CTNNA3: variants seen among roughly 807,000 people sequenced by gnomAD.
The protein encoded by CTNNA3 is catenin alpha-3.
In CTNNA3, 76 loss-of-function variants were observed where a neutral mutation model predicts 95.7. That is an observed-to-expected ratio of 0.79 (90% CI 0.66 to 0.96). The LOEUF (loss-of-function observed/expected upper bound fraction) is 0.96, where lower values mean the gene tolerates loss of function less well. Ranked by LOEUF, CTNNA3 falls within the 40% of genes least tolerant of loss-of-function variation. The pLI is 0.00. For synonymous variants in CTNNA3, 431 were observed against 374.4 expected, an observed-to-expected ratio of 1.15 and a Z score of -1.74; for missense variants, 1,191 against 1,089.8, an observed-to-expected ratio of 1.09 and a Z score of -1.31.
intron 7 of CTNNA3, among the ~76,000 whole-genome samples, chr10:66,851,379 A>T (rs1843478617): frequency 6.6e-6 from 1 of 152,102 alleles, no homozygotes; most frequent in Non-Finnish European, 1.5e-5. Flanking sequence ...ACAAACCTGA[A>T]AAACGCTGTT....
chr10:66,942,833 A>G (rs745840576), intron 7 of CTNNA3, among the ~76,000 whole-genome samples: 1 of 152,194 alleles, frequency 6.6e-6, no homozygotes, highest in African/African-American at 2.4e-5. Flanking sequence ...AAAACACAAT[A>G]TCAATATTTA....
intron 11 of CTNNA3, among the ~76,000 whole-genome samples, chr10:66,428,523 T>C (rs2093264439): frequency 6.6e-6 from 1 of 152,014 alleles, no homozygotes; most frequent in Admixed American, 6.6e-5. Flanking sequence ...CCTCAGCAAA[T>C]GTAAAAGAAC....
At chr10:66,772,190 C>A (rs917231732) in intron 8 of CTNNA3, among the ~76,000 whole-genome samples, 2 of 152,030 alleles carry the variant, frequency 1.3e-5, no homozygotes, top group African/African-American at 4.8e-5. Flanking sequence ...CTTTGGGAGG[C>A]CGAGGTGGGC....
At chr10:67,207,178 A>T (rs891893892) in intron 6 of CTNNA3, among the ~76,000 whole-genome samples, 4 of 152,110 alleles carry the variant, frequency 2.6e-5, no homozygotes, top group African/African-American at 9.7e-5. Flanking sequence ...TAACAGATAC[A>T]ATTTTAAATG....
chr10:66,110,739 G>T (rs1454449963), intron 13 of CTNNA3, among the ~76,000 whole-genome samples: 1 of 152,072 alleles, frequency 6.6e-6, no homozygotes, highest in Non-Finnish European at 1.5e-5. Flanking sequence ...ATATTCGATT[G>T]TCTTACATAT....
intron 15 of CTNNA3, among the ~76,000 whole-genome samples, chr10:66,006,343 G>T (rs1205421146): frequency 1.3e-5 from 2 of 151,836 alleles, no homozygotes; most frequent in Admixed American, 6.6e-5. Context: ...CCTTGTACAT[G>T]GGAAAGTTAC....
intron 13 of CTNNA3, among the ~76,000 whole-genome samples, chr10:66,231,561 G>A (rs2089591436): frequency 6.6e-6 from 1 of 151,994 alleles, no homozygotes. Context: ...TTTTGATGCT[G>A]TTTTCCCTCA....
At chr10:66,124,853 C>T (rs1433260245) in intron 13 of CTNNA3, among the ~76,000 whole-genome samples, 2 of 152,150 alleles carry the variant, frequency 1.3e-5, no homozygotes, top group Non-Finnish European at 2.9e-5. Context: ...CCATCACCTC[C>T]CACTAGGTTC....
chr10:66,252,957 C>T (rs559680735), intron 13 of CTNNA3, among the ~76,000 whole-genome samples: 1 of 152,212 alleles, frequency 6.6e-6, no homozygotes, highest in East Asian at 1.9e-4. Flanking sequence ...AAACTGTTTA[C>T]ATAATTTGCC....
At chr10:67,074,180 G>A (rs997602287) in intron 7 of CTNNA3, among the ~76,000 whole-genome samples, 2 of 150,270 alleles carry the variant, frequency 1.3e-5, no homozygotes, top group African/African-American at 2.4e-5. Flanking sequence ...CTATAGGCAC[G>A]TGCCACCATG....
rs140251040 is a variant in CTNNA3, at chr10:66,029,647, C to T, written c.2159+39661G>A. On this transcript the variant is annotated intron_variant, in intron 15 of 17. Coordinates refer to ENST00000433211, the MANE Select transcript of CTNNA3 (RefSeq NM_013266.4). The stretch of plus-strand genomic sequence containing the variant: ...TCTTAAATGTGATGTAATTTATTTA[C>T]TTACTGTGCCCAATCCTTATTATTT... Among the ~76,000 whole-genome samples the T allele has an allele frequency of 8.2e-3, 1,251 of 152,248 alleles. 13 individuals are homozygous for T. The highest frequency in any genetic ancestry group is 0.029 in the African/African-American group (1,191 of 41,556).
At position 66,270,224 on chromosome 10, in the gene CTNNA3, T is replaced by TTTGG. The variant is rs367695664; in HGVS notation, c.1884+10245_1884+10246insCCAA. 2.2e-4 allele frequency among the ~76,000 whole-genome samples: 21 copies of TTTGG among 95,832 alleles called. No homozygotes were observed. The East Asian group carries it at 2.7e-3, about 12-fold the overall frequency. The allele number at this position is 95,832 out of a possible 152,430, so 62.9% of individuals were successfully genotyped here. A position where few individuals can be genotyped will look rare whatever the true frequency, so the allele number is the denominator to read the frequency against. On this transcript the variant is annotated intron_variant, in intron 13 of 17. Coordinates refer to ENST00000433211, the MANE Select transcript of CTNNA3 (RefSeq NM_013266.4). ...TAATGCAGAACACTATAACATTTTT[T>TTTGG]GGGGGGGGGGGCAGGGTCTCACTTT...
rs548532889 is a variant in CTNNA3, at chr10:66,397,516, T to C, written c.1532-18164A>G. On this transcript the variant is annotated intron_variant, in intron 11 of 17. Transcript: ENST00000433211. ...TATATATATTCACATGGTATATTCA[T>C]TCATTCAATATCTCTTTCATTGAAT... Among the ~76,000 whole-genome samples, 3 of 151,998 alleles carry C rather than the reference T, an allele frequency of 2.0e-5. No homozygotes were observed. The South Asian group carries it at 6.2e-4, about 31-fold the overall frequency.
chr10:67,047,210 G>A (rs566470557), intron 7 of CTNNA3, among the ~76,000 whole-genome samples: 2 of 152,074 alleles, frequency 1.3e-5, no homozygotes, highest in Non-Finnish European at 2.9e-5. Context: ...ATTTTTTCTG[G>A]AGCCTTATGG....
chr10:66,167,285 T>A (rs950448162), intron 13 of CTNNA3, among the ~76,000 whole-genome samples: 17 of 152,196 alleles, frequency 1.1e-4, no homozygotes, highest in Admixed American at 8.5e-4. Context: ...AGAAAAAAAA[T>A]TATATGTTAG....
intron 15 of CTNNA3, among the ~76,000 whole-genome samples, chr10:66,021,873 A>G (rs1212247932): frequency 8.5e-5 from 2 of 23,502 alleles, no homozygotes; most frequent in Non-Finnish European, 1.6e-4. Context: ...TTTTTTAGAT[A>G]GATAGGGTCT....
At chr10:66,795,193 C>T (rs73310872) in intron 7 of CTNNA3, among the ~76,000 whole-genome samples, 6,370 of 152,098 alleles carry the variant, frequency 0.042, 450 homozygotes, top group African/African-American at 0.15. Context: ...ATTAACTTTG[C>T]CCAGATGACC....
chr10:66,889,790 CTTTT>C (rs71468807), intron 7 of CTNNA3, among the ~76,000 whole-genome samples: 3 of 131,056 alleles, frequency 2.3e-5, no homozygotes, highest in Non-Finnish European at 3.3e-5. Context: ...AACCACAGAC[CTTTT>C]TTTTTTTTTT....
Position 66,142,485 on chromosome 10 carries a change from C to T in CTNNA3, c.1885-39236G>A, listed in dbSNP as rs535517834. Among the ~76,000 whole-genome samples, 5 of 152,084 alleles carry T rather than the reference C, an allele frequency of 3.3e-5. No homozygotes were observed. In the South Asian group the frequency reaches 8.3e-4, roughly 25 times the overall value. ...TCTTTAAATATTGTCTTGTCTATTCCAGGTCTTTTAACTCTACATATATAC... is the reference window on the plus strand; with the variant it reads ...TCTTTAAATATTGTCTTGTCTATTCTAGGTCTTTTAACTCTACATATATAC... On this transcript the variant is annotated intron_variant, in intron 13 of 17. Coordinates refer to ENST00000433211, the MANE Select transcript of CTNNA3 (RefSeq NM_013266.4).
Sources: allele counts gnomAD v4.1 joint callset (sites outside exome capture counted in the v4.1 genomes callset), GRCh38; gene constraint gnomAD v4.1.1; transcripts MANE v1.5; gene names NCBI Gene and HGNC (gene_info 2026-07-23, HGNC 2026-07-21).